Variants in CNTLN observed in about 807,000 individuals in gnomAD.
CNTLN encodes the protein centlein, centrosomal protein.
In CNTLN, 212 loss-of-function variants were observed where a neutral mutation model predicts 180.0. The ratio of observed to expected loss-of-function variants is 1.18; its 90% CI spans 1.05 to 1.32. The LOEUF is 1.32. Ranked by LOEUF, CNTLN falls within the 40% of genes most tolerant of loss-of-function variation. CNTLN has a pLI of 0.00. For missense variants in CNTLN, 2,095 were observed against 1,610.9 expected (o/e 1.30, Z -5.14); for synonymous variants, 722 against 563.1 (o/e 1.28, Z -3.99).
chr9:17,502,591 A>C lies in CNTLN; in HGVS notation c.4160A>C (p.Lys1387Thr), dbSNP rs1316150691. 4 of 1,416,188 alleles carry C rather than the reference A, an allele frequency of 2.8e-6. No individual in the cohort carries two copies. Among genetic ancestry groups the C allele is most frequent in the Non-Finnish European group, 3.9e-6 (4 of 1,035,896 alleles). 87.7% of individuals were successfully genotyped at this position (1,416,188 alleles called of 1,614,324 possible). The change falls in exon 26 of 26, where the codon AAA (lysine) becomes ACA (threonine). Residue 1387 changes from lysine to threonine, a missense_variant. Transcript: ENST00000380647. ...ASYLLEAVLE[K>T]INEKKKLVEG... is the part of the protein sequence containing the mutation. ...TATTTACTAGAAGCAGTACTGGAAA[A>C]AATAAATGAAAAAAAGAAACTAGTT... is the stretch of plus-strand genomic sequence containing the variant.
At chr9:17,501,447 C>G (rs1168117256) in intron 25 of CNTLN, among the ~76,000 whole-genome samples, 1 of 152,200 alleles carries the variant, frequency 6.6e-6, no homozygotes, top group Non-Finnish European at 1.5e-5. Context: ...CACAGCTAGT[C>G]TTTTCTCTTT....
At chr9:17,399,043 A>T (rs964564234) in intron 15 of CNTLN, among the ~76,000 whole-genome samples, 1 of 152,182 alleles carries the variant, frequency 6.6e-6, no homozygotes, top group East Asian at 1.9e-4. Context: ...TTCATCTACC[A>T]TTAGTTTTCC....
Position 17,323,108 on chromosome 9 carries a change from G to T in CNTLN, c.1342-7524G>T, listed in dbSNP as rs547877965. Among the ~76,000 whole-genome samples, 4 of 152,096 alleles carry T rather than the reference G, an allele frequency of 2.6e-5. No individual in the cohort carries two copies. The South Asian group carries it at 8.3e-4, about 32-fold the overall frequency. ...TGAACTTATGCCATATGCTTTAACT[G>T]TTCTGGTCAATAGCTGATAAAGGCT... On this transcript the variant is annotated intron_variant, in intron 8 of 25. Transcript: ENST00000380647.
At position 17,298,292 on chromosome 9, in the gene CNTLN, A is replaced by G. The variant is rs980279914; in HGVS notation, c.1086A>G (p.Thr362=). 6.8e-6 allele frequency: 11 copies of G among 1,613,596 alleles called. No individual in the cohort carries two copies. Among genetic ancestry groups the G allele is most frequent in the Non-Finnish European group, 9.3e-6 (11 of 1,179,876 alleles). ...AGCTTCAGGTTCTCAATATGGACAC[A>G]CAAAAAGTACTGAGAAATCAGGAAG... The part of the protein sequence containing the change: ...IQQLQVLNMD[T]QKVLRNQEDV... Residue 362 remains threonine (T), a synonymous_variant, in exon 7 of 26, where the codon ACA becomes ACG. Transcript: ENST00000380647.
At chr9:17,438,943 A>T (rs1349624910) in intron 18 of CNTLN, among the ~76,000 whole-genome samples, 1 of 152,242 alleles carries the variant, frequency 6.6e-6, no homozygotes, top group East Asian at 1.9e-4. Flanking sequence ...AGAGAATCTT[A>T]GAAGCCAAAT....
At chr9:17,248,531 TA>T (rs1350099843) in intron 5 of CNTLN, among the ~76,000 whole-genome samples, 8 of 137,836 alleles carry the variant, frequency 5.8e-5, no homozygotes, top group African/African-American at 2.3e-4. Context: ...TAAATATTTA[TA>T]ATTATAAATA....
At chr9:17,186,105 G>T (rs992237459) in intron 2 of CNTLN, among the ~76,000 whole-genome samples, 5 of 152,050 alleles carry the variant, frequency 3.3e-5, no homozygotes, top group African/African-American at 1.2e-4. Flanking sequence ...CCATTCTTTA[G>T]TTATCAGAAT....
At chr9:17,517,687 C>G in the CNTLN span, among the ~76,000 whole-genome samples, 4,221 of 152,196 alleles carry the variant, frequency 0.028, 91 homozygotes, top group Non-Finnish European at 0.042. Context: ...GGGACATTCT[C>G]TCCAGCAAGG....
At chr9:17,291,925 A>G (rs1156447637) in intron 6 of CNTLN, among the ~76,000 whole-genome samples, 2 of 152,276 alleles carry the variant, frequency 1.3e-5, no homozygotes, top group South Asian at 2.1e-4. Context: ...GTGTTTTTGC[A>G]GTGGCTAGTG....
chr9:17,331,727 GATTT>G (rs1209760070), intron 9 of CNTLN, among the ~76,000 whole-genome samples: 7 of 151,864 alleles, frequency 4.6e-5, no homozygotes, highest in East Asian at 1.9e-4. Flanking sequence ...CAGAAAATGA[GATTT>G]ATTTATTAAA....
At chr9:17,411,175 A>G (rs541856327) in intron 16 of CNTLN, among the ~76,000 whole-genome samples, 2 of 152,212 alleles carry the variant, frequency 1.3e-5, no homozygotes, top group East Asian at 1.9e-4. Flanking sequence ...TTGGGTTTTC[A>G]TTTTGCTTCA....
At chr9:17,510,220 G>A in the CNTLN span, among the ~76,000 whole-genome samples, 1 of 152,118 alleles carries the variant, frequency 6.6e-6, no homozygotes, top group African/African-American at 2.4e-5. Context: ...TTGGTGAGGG[G>A]AAAGGGAATA....
Position 17,503,247 on chromosome 9 carries a change from C to T in CNTLN, c.*595C>T, listed in dbSNP as rs745409660. On this transcript the variant is annotated 3_prime_UTR_variant, in exon 26 of 26. Coordinates refer to ENST00000380647, the MANE Select transcript of CNTLN (RefSeq NM_017738.4). ...AAAAACAAAAACATTTTCTTCTTCT[C>T]TCTCTTAACTTCACAATACTATACG... The T allele has an allele frequency of 6.6e-6, 1 of 152,196 alleles. No homozygotes were observed. Among genetic ancestry groups the T allele is most frequent in the South Asian group, 2.1e-4 (1 of 4,832 alleles). 9.4% of individuals were successfully genotyped at this position (152,196 alleles called of 1,614,324 possible).
At chr9:17,458,199 G>C (rs1287157646) in intron 19 of CNTLN, among the ~76,000 whole-genome samples, 1 of 147,234 alleles carries the variant, frequency 6.8e-6, no homozygotes, top group Non-Finnish European at 1.5e-5. Context: ...GAAGTATGTA[G>C]AGAAAAAGCA....
chr9:17,493,013 T>C (rs1350987637), intron 25 of CNTLN, among the ~76,000 whole-genome samples: 1 of 152,056 alleles, frequency 6.6e-6, no homozygotes, highest in Non-Finnish European at 1.5e-5. Context: ...TTCCACTTAT[T>C]TGAGATTAGT....
intron 18 of CNTLN, among the ~76,000 whole-genome samples, chr9:17,440,588 C>CAAAAAAAAAAAAAAAAAAAAA (rs35350865): frequency 3.4e-4 from 39 of 114,632 alleles, no homozygotes; most frequent in African/African-American, 1.4e-3. Flanking sequence ...GACTCCGTCT[C>CAAAAAAAAAAAAAAAAAAAAA]AAAAAAAAAA....
At chr9:17,195,965 G>A (rs1240898530) in intron 2 of CNTLN, among the ~76,000 whole-genome samples, 1 of 152,162 alleles carries the variant, frequency 6.6e-6, no homozygotes, top group Non-Finnish European at 1.5e-5. Flanking sequence ...TTTTGAAAAT[G>A]ATAGTAAAGA....
intron 16 of CNTLN, among the ~76,000 whole-genome samples, chr9:17,414,308 T>A (rs911721336): frequency 3.3e-5 from 5 of 152,236 alleles, no homozygotes; most frequent in African/African-American, 1.2e-4. Context: ...TAAGTGTGTT[T>A]GTTTCATAGC....
intron 2 of CNTLN, among the ~76,000 whole-genome samples, chr9:17,186,883 A>G (rs1821465433): frequency 6.6e-6 from 1 of 151,962 alleles, no homozygotes; most frequent in Non-Finnish European, 1.5e-5. Flanking sequence ...CAGACTACCT[A>G]CTTAATTTTT....
Sources: gnomAD v4.1 joint callset for allele counts (sites outside exome capture counted in the v4.1 genomes callset) on GRCh38, gnomAD v4.1.1 for gene constraint, MANE v1.5 for transcripts, NCBI Gene and HGNC (gene_info 2026-07-23, HGNC 2026-07-21) for gene names.